RDH12: variants seen among roughly 807,000 people sequenced by gnomAD.
The protein encoded by RDH12 is all-trans and 9-cis retinol dehydrogenase.
RDH12 carries 21 observed loss-of-function variants against 34.0 expected under a neutral mutation model. That is an observed-to-expected ratio of 0.62 (90% CI 0.44 to 0.89). RDH12 has a LOEUF of 0.89. Among genes scored for constraint, RDH12 ranks in the 40% least tolerant of loss-of-function variants. RDH12 has a pLI of 0.00. For missense variants in RDH12, 394 were observed against 398.6 expected, an observed-to-expected ratio of 0.99 and a Z score of 0.10; for synonymous variants, 198 against 169.9, an observed-to-expected ratio of 1.17 and a Z score of -1.29.
chr14:67,707,358 A>G (rs1340401810), intron 1 of RDH12, among the ~76,000 whole-genome samples: 1 of 152,216 alleles, frequency 6.6e-6, no homozygotes, highest in Non-Finnish European at 1.5e-5. Flanking sequence ...CATTTTTACT[A>G]AAGACAAATT....
chr14:67,705,445 A>G (rs1174222051), intron 1 of RDH12, among the ~76,000 whole-genome samples: 1 of 152,238 alleles, frequency 6.6e-6, no homozygotes, highest in Admixed American at 6.5e-5. Flanking sequence ...TTACTCAGAA[A>G]TGCTATGTAA....
intron 1 of RDH12, among the ~76,000 whole-genome samples, chr14:67,707,225 C>CA (rs1457097622): frequency 1.3e-5 from 2 of 152,076 alleles, no homozygotes; most frequent in Non-Finnish European, 2.9e-5. Context: ...TTGTAGCCAA[C>CA]AAAAATTAGA....
At chr14:67,728,794 A>G (rs2140149559) in intron 7 of RDH12, among the ~76,000 whole-genome samples, 1 of 152,150 alleles carries the variant, frequency 6.6e-6, no homozygotes, top group East Asian at 1.9e-4. Context: ...GCAGCTCAAA[A>G]TAAAGTCCTA....
Position 67,724,579 on chromosome 14 carries a change from C to A in RDH12, c.175C>A (p.Leu59Ile). Residue 59 changes from leucine (L) to isoleucine (I), a missense_variant, in exon 4 of 9, where the codon CTC becomes ATC. By Grantham distance (5) the Leu-to-Ile change is conservative. Coordinates refer to ENST00000551171, the MANE Select transcript of RDH12 (RefSeq NM_152443.3). ...CATTGGCAAGGAGACGGCCAGAGAG[C>A]TCGCTAGCCGAGGTAAGTGTTTCCC... is the stretch of plus-strand genomic sequence containing the variant. ...TGIGKETARE[L>I]ASRGARVYIA... The A allele has an allele frequency of 6.2e-7, 1 of 1,612,814 alleles. No individual in the cohort carries two copies. Among genetic ancestry groups the A allele is most frequent in the Non-Finnish European group, 8.5e-7 (1 of 1,178,962 alleles).
Position 67,712,391 on chromosome 14 carries a change from G to A in RDH12, c.-274-8457G>A, listed in dbSNP as rs934038365. ...TGTTTTTTAATAAAGACATTTCTAA[G>A]TGTCTAAGCTACATTCTTCCTTAAA... On this transcript the variant is annotated intron_variant, in intron 1 of 8. Transcript: ENST00000551171. Among the ~76,000 whole-genome samples the A allele has an allele frequency of 6.7e-5, 10 of 148,988 alleles. No homozygotes were observed. The East Asian group carries it at 1.2e-3, about 18-fold the overall frequency.
chr14:67,727,462 G>A, intron 7 of RDH12: 1 of 393,516 alleles, frequency 2.5e-6, no homozygotes, highest in Non-Finnish European at 4.7e-6. Flanking sequence ...TTTTGCAACA[G>A]ACAGAGGCTT....
At chr14:67,731,220 T>C (rs2038269193) in intron 8 of RDH12, among the ~76,000 whole-genome samples, 2 of 143,242 alleles carry the variant, frequency 1.4e-5, no homozygotes, top group Non-Finnish European at 3.0e-5. Flanking sequence ...TTTTTTTTTT[T>C]TTTTTTTTTT....
At chr14:67,711,900 A>G (rs1384749705) in intron 1 of RDH12, among the ~76,000 whole-genome samples, 2 of 152,126 alleles carry the variant, frequency 1.3e-5, no homozygotes. Flanking sequence ...TAAGGAGACA[A>G]ATTTTATTTA....
chr14:67,732,977 G>T (rs2038303590), intron 8 of RDH12, among the ~76,000 whole-genome samples: 1 of 152,074 alleles, frequency 6.6e-6, no homozygotes, highest in Non-Finnish European at 1.5e-5. Flanking sequence ...CAAAAAACAT[G>T]GGGGGAGCGG....
intron 5 of RDH12, among the ~76,000 whole-genome samples, chr14:67,725,571 T>C (rs1203991867): frequency 2.0e-5 from 3 of 152,206 alleles, no homozygotes; most frequent in African/African-American, 7.2e-5. Flanking sequence ...TGTGTGGCCA[T>C]AGGCATGAGA....
intron 8 of RDH12, 106 bp downstream of exon 8, chr14:67,729,486 T>C: frequency 8.6e-7 from 1 of 1,167,134 alleles, no homozygotes. Flanking sequence ...GATGATGCAA[T>C]CCAGGTTTGG....
At chr14:67,704,623 T>C (rs12147616) in intron 1 of RDH12, among the ~76,000 whole-genome samples, 19,206 of 152,152 alleles carry the variant, frequency 0.13, 1,473 homozygotes, top group South Asian at 0.34. Context: ...TTTAGCTTTG[T>C]GTGAGGACAA....
intron 7 of RDH12, 72 bp downstream of exon 7, chr14:67,727,262 G>A: frequency 8.5e-7 from 1 of 1,177,092 alleles, no homozygotes; most frequent in South Asian, 1.3e-5. Context: ...AACTTGGGAA[G>A]TCAGGCTGTC....
chr14:67,720,146 T>G (rs1237618505), intron 1 of RDH12, among the ~76,000 whole-genome samples: 1 of 152,250 alleles, frequency 6.6e-6, no homozygotes, highest in Non-Finnish European at 1.5e-5. Flanking sequence ...TGGCTCCCAG[T>G]ATAATTTTAA....
chr14:67,710,935 TAAAATTATGGAACCACCATTGC>T (rs938047130), intron 1 of RDH12, among the ~76,000 whole-genome samples: 3 of 152,216 alleles, frequency 2.0e-5, no homozygotes, highest in Non-Finnish European at 2.9e-5. Context: ...AGTCATCATT[TAAAATTATGGAACCACCATTGC>T]AAAATTATAA....
In RDH12 at chr14:67,722,509, A is replaced by T; in HGVS notation, c.-134A>T. 1.2e-6 allele frequency: 1 copy of T among 802,932 alleles called. No homozygotes were observed. Among genetic ancestry groups the T allele is most frequent in the Non-Finnish European group, 2.3e-6 (1 of 441,940 alleles). The allele number at this position is 802,932 out of a possible 1,614,324, so 49.7% of individuals were successfully genotyped here. A position where few individuals can be genotyped will look rare whatever the true frequency, so the allele number is the denominator to read the frequency against. On this transcript the variant is annotated 5_prime_UTR_variant, in exon 3 of 9. Transcript: ENST00000551171. Reference sequence around the variant, plus strand: ...TCTGCTCAGAGTCAGGCTGCTGCTCAGCACCCAGGACGGAGAGGAGCAGAG... The same window carrying T: ...TCTGCTCAGAGTCAGGCTGCTGCTCTGCACCCAGGACGGAGAGGAGCAGAG...
At chr14:67,706,471 G>A in intron 1 of RDH12, among the ~76,000 whole-genome samples, 1 of 152,284 alleles carries the variant, frequency 6.6e-6, no homozygotes, top group Non-Finnish European at 1.5e-5. Context: ...GGAGACACGG[G>A]ACATCAATCA....
At chr14:67,717,291 G>T (rs2038078900) in intron 1 of RDH12, among the ~76,000 whole-genome samples, 1 of 152,222 alleles carries the variant, frequency 6.6e-6, no homozygotes, top group African/African-American at 2.4e-5. Context: ...CTCAGTGGAG[G>T]TGTGTTTTTG....
At chr14:67,728,459 T>C (rs952834079) in intron 7 of RDH12, among the ~76,000 whole-genome samples, 9 of 152,150 alleles carry the variant, frequency 5.9e-5, no homozygotes, top group African/African-American at 1.9e-4. Flanking sequence ...GACAGTCCAT[T>C]CCATGTTTTT....
Sources: allele counts gnomAD v4.1 joint callset (sites outside exome capture counted in the v4.1 genomes callset), GRCh38; gene constraint gnomAD v4.1.1; transcripts MANE v1.5; gene names NCBI Gene and HGNC (gene_info 2026-07-23, HGNC 2026-07-21).